The following ZNF141 variants were observed in gnomAD, a reference collection of about 807,000 sequenced individuals.
ZNF141 encodes zinc finger protein 141 (clone pHZ-44).
ZNF141 carries 7 observed loss-of-function variants against 11.3 expected under a neutral mutation model. That is an observed-to-expected ratio of 0.62 (90% CI 0.35 to 1.16). ZNF141 has a LOEUF of 1.16. ZNF141 is among the 50% of genes most tolerant of loss of function. The pLI, the probability that ZNF141 is intolerant of heterozygous loss-of-function variation, is 0.02. For synonymous variants in ZNF141, 183 were observed against 190.7 expected (o/e 0.96, Z 0.33); for missense variants, 535 against 554.0 (o/e 0.97, Z 0.34).
At position 375,224 on chromosome 4, in the gene ZNF141, A is replaced by C. The variant is rs1189729623; in HGVS notation, c.*1362A>C. The C allele has an allele frequency of 6.6e-6, 1 of 152,170 alleles. No individual in the cohort carries two copies. The highest frequency in any genetic ancestry group is 1.5e-5 in the Non-Finnish European group (1 of 67,980). 9.4% of individuals were successfully genotyped at this position (152,170 alleles called of 1,614,324 possible). A position where few individuals can be genotyped will look rare whatever the true frequency, so the allele number is the denominator to read the frequency against. On this transcript the variant is annotated 3_prime_UTR_variant, in exon 4 of 4. Transcript: ENST00000240499. ...AGACTTCAGAAAATATAGGCCTTTA[A>C]AGTGAAGAAGAGTATTCTTAAGACA...
intron 3 of ZNF141, among the ~76,000 whole-genome samples, chr4:366,581 C>T (rs1157737825): frequency 5.3e-5 from 8 of 152,330 alleles, no homozygotes; most frequent in East Asian, 1.9e-4. Flanking sequence ...GGATTACAGG[C>T]GTGAGCCACC....
chr4:338,055 G>A, intron 1 of ZNF141, 69 bp downstream of exon 1: 1 of 1,604,784 alleles, frequency 6.2e-7, no homozygotes. Context: ...AATGGCGGCG[G>A]GACCGAGTCT....
intron 3 of ZNF141, 43 bp from the exon 4 acceptor site, chr4:372,621 G>A: frequency 1.4e-6 from 2 of 1,398,250 alleles, no homozygotes; most frequent in Non-Finnish European, 9.6e-7. Context: ...ATATTTATAT[G>A]AATCTACTAA....
chr4:377,217 G>T lies in ZNF141; in HGVS notation c.*3355G>T, dbSNP rs1277727142. ...TTCAGGTAAGTACTTGGAAAACTTT[G>T]TCAGTCATGGGGATGTTTTGATCTA... is the stretch of plus-strand genomic sequence containing the variant. On this transcript the variant is annotated 3_prime_UTR_variant, in exon 4 of 4. Coordinates refer to ENST00000240499, the MANE Select transcript of ZNF141 (RefSeq NM_003441.4). Among the ~76,000 whole-genome samples, 1 of 152,066 alleles carries T rather than the reference G, an allele frequency of 6.6e-6. No homozygotes were observed. The highest frequency in any genetic ancestry group is 1.5e-5 in the Non-Finnish European group (1 of 68,004).
intron 3 of ZNF141, among the ~76,000 whole-genome samples, chr4:365,316 G>C (rs534119256): frequency 2.4e-4 from 37 of 152,308 alleles, no homozygotes; most frequent in African/African-American, 8.2e-4. Flanking sequence ...CCCTGTTTCA[G>C]CTTGCCCTCA....
chr4:337,882 AG>A lies in ZNF141; in HGVS notation c.-100del. Reference sequence around the variant, plus strand: ...ATCTCTCTGCGTTCTCAGTTGTGGGAGGCCTTGGTGATTCGGCCACAGCTCA... The same window carrying A: ...ATCTCTCTGCGTTCTCAGTTGTGGGAGCCTTGGTGATTCGGCCACAGCTCA... On this transcript the variant is annotated 5_prime_UTR_variant, in exon 1 of 4. Coordinates refer to ENST00000240499, the MANE Select transcript of ZNF141 (RefSeq NM_003441.4). 1 of 1,409,930 alleles carries A rather than the reference AG, an allele frequency of 7.1e-7. No individual in the cohort carries two copies. The highest frequency in any genetic ancestry group is 2.5e-5 in the East Asian group (1 of 40,296). The allele number at this position is 1,409,930 out of a possible 1,614,324, so 87.3% of individuals were successfully genotyped here.
chr4:381,946 C>CTTTTTTTTTTTTTTTTTTTTTTTTTTTT lies in ZNF141; in HGVS notation c.*8103_*8104insTTTTTTTTTTTTTTTTTTTTTTTTTTTT, dbSNP rs34905613. Among the ~76,000 whole-genome samples the CTTTTTTTTTTTTTTTTTTTTTTTTTTTT allele has an allele frequency of 4.2e-4, 44 of 105,928 alleles. 3 individuals are homozygous for CTTTTTTTTTTTTTTTTTTTTTTTTTTTT. The highest frequency in any genetic ancestry group is 8.9e-4 in the African/African-American group (20 of 22,444). 69.5% of individuals were successfully genotyped at this position (105,928 alleles called of 152,430 possible). ...CTAGGGCCACCACCATCTCTGGGAACTTTTTTTTTTTTTTTTTTTGAGACG... is the reference window on the plus strand; with the variant it reads ...CTAGGGCCACCACCATCTCTGGGAACTTTTTTTTTTTTTTTTTTTTTTTTTTTTTTTTTTTTTTTTTTTTTTTGAGACG... On this transcript the variant is annotated 3_prime_UTR_variant, in exon 4 of 4. Transcript: ENST00000240499.
chr4:360,578 C>G (rs1428440386), intron 3 of ZNF141, among the ~76,000 whole-genome samples: 1 of 152,100 alleles, frequency 6.6e-6, no homozygotes. Context: ...TGGGGAGTCT[C>G]TTTTCATGTA....
rs76294696 is a variant in ZNF141, at chr4:380,847, T to G, written c.*6985T>G. Among the ~76,000 whole-genome samples, 1,193 of 152,212 alleles carry G rather than the reference T, an allele frequency of 7.8e-3. 16 individuals carry two copies. The highest frequency in any genetic ancestry group is 0.027 in the African/African-American group (1,136 of 41,516). ...AAAATACATGATTATCTTAAACACATTCTTAATAAAAATTTAACAAAAATT... is the reference window on the plus strand; with the variant it reads ...AAAATACATGATTATCTTAAACACAGTCTTAATAAAAATTTAACAAAAATT... On this transcript the variant is annotated 3_prime_UTR_variant, in exon 4 of 4. Coordinates refer to ENST00000240499, the MANE Select transcript of ZNF141 (RefSeq NM_003441.4).
Position 380,985 on chromosome 4 carries a change from C to T in ZNF141, c.*7123C>T, listed in dbSNP as rs1712589031. 6.6e-6 allele frequency among the ~76,000 whole-genome samples: 1 copy of T among 152,134 alleles called. No homozygotes were observed. The highest frequency in any genetic ancestry group is 1.5e-5 in the Non-Finnish European group (1 of 68,020). On this transcript the variant is annotated 3_prime_UTR_variant, in exon 4 of 4. Coordinates refer to ENST00000240499, the MANE Select transcript of ZNF141 (RefSeq NM_003441.4). ...AGAATTGCCCTTCGATACTGACGTA[C>T]TTGGGAACAGCTTTCCTTTCAACTG...
chr4:377,646 TTGAGA>T lies in ZNF141; in HGVS notation c.*3786_*3790del, dbSNP rs1233281698. The stretch of plus-strand genomic sequence containing the variant: ...GTTATCAGTGCAACATTTAGATCAC[TTGAGA>T]TAAGAGTAATTCACTATCAACAGGT... On this transcript the variant is annotated 3_prime_UTR_variant, in exon 4 of 4. Transcript: ENST00000240499. Among the ~76,000 whole-genome samples, 1 of 152,170 alleles carries T rather than the reference TTGAGA, an allele frequency of 6.6e-6. No homozygotes were observed. The highest frequency in any genetic ancestry group is 1.5e-5 in the Non-Finnish European group (1 of 68,030).
At chr4:346,893 A>ACACACACCC (rs373224939) in intron 3 of ZNF141, among the ~76,000 whole-genome samples, 3 of 135,486 alleles carry the variant, frequency 2.2e-5, no homozygotes, top group African/African-American at 9.6e-5. Flanking sequence ...ACACACACAC[A>ACACACACCC]CCGCCCCCCC....
chr4:342,693 C>T (rs533146380), intron 1 of ZNF141: 2 of 919,296 alleles, frequency 2.2e-6, no homozygotes, highest in African/African-American at 3.3e-5. Flanking sequence ...TGAAGAGAAA[C>T]CATCAGCTGT....
At chr4:364,609 T>G (rs184973357) in intron 3 of ZNF141, among the ~76,000 whole-genome samples, 63 of 152,332 alleles carry the variant, frequency 4.1e-4, no homozygotes, top group African/African-American at 1.4e-3. Context: ...TTTATTACTC[T>G]TGCTAGAGTC....
Position 374,707 on chromosome 4 carries a change from CAA to C in ZNF141, c.*848_*849del, listed in dbSNP as rs1213514101. 6.5e-6 allele frequency: 1 copy of C among 153,978 alleles called. No individual in the cohort carries two copies. The highest frequency in any genetic ancestry group is 1.4e-5 in the Non-Finnish European group (1 of 69,004). The allele number at this position is 153,978 out of a possible 1,614,324, so 9.5% of individuals were successfully genotyped here. Reference sequence around the variant, plus strand: ...AACCATAGAAATGTAAAAGATGTGACAAAACCTTTAAGCCATACTCCAGGCTT... The same window carrying C: ...AACCATAGAAATGTAAAAGATGTGACAACCTTTAAGCCATACTCCAGGCTT... On this transcript the variant is annotated 3_prime_UTR_variant, in exon 4 of 4. Transcript: ENST00000240499.
chr4:367,236 A>G (rs1400303707), intron 3 of ZNF141, among the ~76,000 whole-genome samples: 2 of 152,190 alleles, frequency 1.3e-5, no homozygotes, highest in Non-Finnish European at 2.9e-5. Flanking sequence ...CAAGTGAAAT[A>G]TGGATCACTG....
chr4:362,512 G>A (rs1237013234), intron 3 of ZNF141, among the ~76,000 whole-genome samples: 1 of 152,166 alleles, frequency 6.6e-6, no homozygotes, highest in Non-Finnish European at 1.5e-5. Context: ...ATGGTTATAG[G>A]TCTAACATTT....
At chr4:368,136 A>G (rs1711837528) in intron 3 of ZNF141, among the ~76,000 whole-genome samples, 1 of 152,176 alleles carries the variant, frequency 6.6e-6, no homozygotes, top group Non-Finnish European at 1.5e-5. Context: ...TTGTCTCTTC[A>G]TGGCTGACTT....
intron 3 of ZNF141, among the ~76,000 whole-genome samples, chr4:346,817 A>G (rs1721337790): frequency 1.3e-5 from 2 of 150,878 alleles, no homozygotes; most frequent in South Asian, 2.1e-4. Context: ...TTATGGTTGA[A>G]TAGTGTCCTG....
Sources: gnomAD v4.1 joint callset for allele counts (sites outside exome capture counted in the v4.1 genomes callset) on GRCh38, gnomAD v4.1.1 for gene constraint, MANE v1.5 for transcripts, NCBI Gene and HGNC (gene_info 2026-07-23, HGNC 2026-07-21) for gene names.